EPHB1: variants seen among roughly 807,000 people sequenced by gnomAD.
EPHB1 encodes the protein EPH receptor B1.
A neutral mutation model predicts 94.4 loss-of-function variants in EPHB1; 30 were observed. The ratio of observed to expected loss-of-function variants is 0.32; its 90% CI spans 0.24 to 0.43. EPHB1 has a LOEUF of 0.43. EPHB1 is among the 20% of genes least tolerant of loss of function. EPHB1 has a pLI of 1.00. For synonymous variants in EPHB1, 522 were observed against 489.1 expected, an observed-to-expected ratio of 1.07 and a Z score of -0.89; for missense variants, 1,055 against 1,308.3, an observed-to-expected ratio of 0.81 and a Z score of 2.99.
At chr3:135,085,970 A>C (rs1938346404) in intron 3 of EPHB1, among the ~76,000 whole-genome samples, 1 of 152,132 alleles carries the variant, frequency 6.6e-6, no homozygotes, top group African/African-American at 2.4e-5. Flanking sequence ...CCTGATTAAG[A>C]GCTGAGGGGA....
intron 1 of EPHB1, among the ~76,000 whole-genome samples, chr3:134,883,622 G>A (rs1387871114): frequency 6.6e-6 from 1 of 152,210 alleles, no homozygotes; most frequent in Non-Finnish European, 1.5e-5. Flanking sequence ...CCTGGGCTAG[G>A]TTTTAACAAG....
intron 1 of EPHB1, among the ~76,000 whole-genome samples, chr3:134,885,184 T>G (rs758773224): frequency 6.6e-6 from 1 of 152,306 alleles, no homozygotes; most frequent in Middle Eastern, 3.4e-3. Flanking sequence ...CTGGATGGGA[T>G]TGATGGAAGA....
intron 1 of EPHB1, among the ~76,000 whole-genome samples, chr3:134,903,909 GAAAA>G (rs2038259801): frequency 6.6e-6 from 1 of 152,190 alleles, no homozygotes; most frequent in South Asian, 2.1e-4. Flanking sequence ...GCCCACGAAG[GAAAA>G]AGCCTGAAGG....
chr3:135,018,165 G>T (rs934254248), intron 3 of EPHB1, among the ~76,000 whole-genome samples: 3 of 152,130 alleles, frequency 2.0e-5, no homozygotes, highest in African/African-American at 7.2e-5. Context: ...AAAATGCAGG[G>T]TGCTTGTACT....
At chr3:135,245,380 C>T (rs1385263264) in intron 13 of EPHB1, among the ~76,000 whole-genome samples, 2 of 152,128 alleles carry the variant, frequency 1.3e-5, no homozygotes, top group Admixed American at 1.3e-4. Context: ...ATCACCAACA[C>T]AGCCAAATGG....
intron 1 of EPHB1, among the ~76,000 whole-genome samples, chr3:134,909,881 A>T (rs2038415572): frequency 6.6e-6 from 1 of 152,182 alleles, no homozygotes; most frequent in Non-Finnish European, 1.5e-5. Flanking sequence ...GGAGACCAGG[A>T]TCAGCACTTC....
chr3:135,063,175 T>C (rs1014205105), intron 3 of EPHB1, among the ~76,000 whole-genome samples: 7 of 152,212 alleles, frequency 4.6e-5, no homozygotes, highest in African/African-American at 1.7e-4. Context: ...GTGGGCTCTT[T>C]TTTGGATCCA....
chr3:134,827,235 G>T (rs777935263), intron 1 of EPHB1, among the ~76,000 whole-genome samples: 12 of 152,226 alleles, frequency 7.9e-5, no homozygotes, highest in Non-Finnish European at 1.3e-4. Context: ...GTAATGCTGG[G>T]ATCTGGCCAG....
At chr3:135,034,816 T>C (rs1936592148) in intron 3 of EPHB1, among the ~76,000 whole-genome samples, 1 of 152,228 alleles carries the variant, frequency 6.6e-6, no homozygotes, top group Non-Finnish European at 1.5e-5. Flanking sequence ...TGCAACACTT[T>C]ATTGCCTGGG....
intron 5 of EPHB1, among the ~76,000 whole-genome samples, chr3:135,153,049 T>C (rs1331563222): frequency 2.6e-5 from 4 of 152,110 alleles, no homozygotes; most frequent in African/African-American, 9.7e-5. Flanking sequence ...AGGGGCTGCA[T>C]GTAGTAGGGA....
chr3:135,242,264 T>C (rs765122887), intron 13 of EPHB1, among the ~76,000 whole-genome samples: 14 of 152,222 alleles, frequency 9.2e-5, no homozygotes, highest in Admixed American at 2.0e-4. Flanking sequence ...CCCATCACTT[T>C]GGGAGGGGGC....
At chr3:134,884,853 G>A (rs2037830512) in intron 1 of EPHB1, among the ~76,000 whole-genome samples, 1 of 152,164 alleles carries the variant, frequency 6.6e-6, no homozygotes, top group Non-Finnish European at 1.5e-5. Context: ...ATTTAAACCT[G>A]ATCTTAGGAC....
chr3:135,179,830 A>C (rs376719661), intron 9 of EPHB1, 30 bp from the exon 10 acceptor site: 89 of 1,612,648 alleles, frequency 5.5e-5, no homozygotes, highest in Non-Finnish European at 7.1e-5. Flanking sequence ...CCTCTTTGGG[A>C]TGTTAACCCT....
chr3:134,848,358 A>G (rs1197749220), intron 1 of EPHB1, among the ~76,000 whole-genome samples: 2 of 152,192 alleles, frequency 1.3e-5, no homozygotes, highest in Admixed American at 6.5e-5. Flanking sequence ...TTTAATAAAC[A>G]TTTTACTTTT....
At chr3:135,043,799 T>G (rs1338727357) in intron 3 of EPHB1, among the ~76,000 whole-genome samples, 1 of 152,194 alleles carries the variant, frequency 6.6e-6, no homozygotes, top group Non-Finnish European at 1.5e-5. Context: ...CGTTAGTGCT[T>G]GGGAAGGAAG....
intron 1 of EPHB1, among the ~76,000 whole-genome samples, chr3:134,866,069 A>C (rs901996838): frequency 3.9e-5 from 6 of 152,218 alleles, no homozygotes; most frequent in Non-Finnish European, 5.9e-5. Context: ...GCCCCATGCC[A>C]GAGTGAGGGG....
intron 3 of EPHB1, among the ~76,000 whole-genome samples, chr3:135,075,255 G>T (rs1367998557): frequency 1.3e-5 from 2 of 152,134 alleles, no homozygotes; most frequent in Non-Finnish European, 2.9e-5. Flanking sequence ...CTTGCCAGCT[G>T]CCCTGCCCAT....
At chr3:134,955,078 T>G (rs1559770470) in intron 3 of EPHB1, among the ~76,000 whole-genome samples, 54 of 31,122 alleles carry the variant, frequency 1.7e-3, no homozygotes, top group African/African-American at 6.6e-3. Flanking sequence ...TTTCTTTTTT[T>G]TTTTTTTTTT....
At chr3:135,188,734 T>C (rs143965142) in intron 10 of EPHB1, among the ~76,000 whole-genome samples, 2,056 of 152,248 alleles carry the variant, frequency 0.014, 38 homozygotes, top group African/African-American at 0.046. Context: ...CTCCACTCAC[T>C]ACCAATTTTC....
Sources: allele counts gnomAD v4.1 joint callset (sites outside exome capture counted in the v4.1 genomes callset), GRCh38; gene constraint gnomAD v4.1.1; transcripts MANE v1.5; gene names NCBI Gene and HGNC (gene_info 2026-07-23, HGNC 2026-07-21).